The following PACC1 variants were observed in gnomAD, a reference collection of about 807,000 sequenced individuals.
PACC1 encodes the protein proton-activated chloride channel.
PACC1 carries 34 observed loss-of-function variants against 39.7 expected under a neutral mutation model. The observed-to-expected ratio is 0.86, with a 90% CI of 0.65 to 1.14. The LOEUF (loss-of-function observed/expected upper bound fraction) is 1.14. Ranked by LOEUF, PACC1 falls within the 50% of genes most tolerant of loss-of-function variation. The probability of loss-of-function intolerance (pLI) is 0.00; values close to 1 mark genes in which losing one functional copy is unlikely to be tolerated. For synonymous variants in PACC1, 127 were observed against 160.6 expected (o/e 0.79, Z 1.58); for missense variants, 379 against 436.4 (o/e 0.87, Z 1.17).
intron 7 of PACC1, among the ~76,000 whole-genome samples, chr1:212,369,922 AATG>A (rs1660383418): frequency 1.3e-5 from 2 of 152,246 alleles, no homozygotes; most frequent in South Asian, 4.1e-4. Flanking sequence ...ATCATTATGT[AATG>A]ATGAGGGAGT....
intron 2 of PACC1, among the ~76,000 whole-genome samples, chr1:212,402,142 T>G (rs1056387303): frequency 6.6e-6 from 1 of 152,224 alleles, no homozygotes; most frequent in Non-Finnish European, 1.5e-5. Context: ...TAAGTTTTCA[T>G]GTGGACGTAA....
chr1:212,369,952 TACA>T (rs1240066026), intron 7 of PACC1, among the ~76,000 whole-genome samples: 3 of 152,094 alleles, frequency 2.0e-5, no homozygotes, highest in East Asian at 3.9e-4. Flanking sequence ...AACAAGAAGA[TACA>T]ACAACTGTAA....
chr1:212,383,308 G>T (rs2102492593), intron 4 of PACC1, among the ~76,000 whole-genome samples: 1 of 152,308 alleles, frequency 6.6e-6, no homozygotes, highest in South Asian at 2.1e-4. Flanking sequence ...GTTTGGAAAT[G>T]ACCCTCACTG....
chr1:212,411,497 T>C (rs997812080), intron 1 of PACC1, among the ~76,000 whole-genome samples: 1 of 151,834 alleles, frequency 6.6e-6, no homozygotes, highest in African/African-American at 2.4e-5. Context: ...ATGGGGAAAA[T>C]TATACCACTG....
chr1:212,394,227 AG>A (rs1334231365), intron 2 of PACC1, among the ~76,000 whole-genome samples: 1 of 152,202 alleles, frequency 6.6e-6, no homozygotes, highest in African/African-American at 2.4e-5. Flanking sequence ...CACATCAAAA[AG>A]CTTATCCACC....
At chr1:212,407,023 C>T (rs867914905) in intron 2 of PACC1, among the ~76,000 whole-genome samples, 3 of 152,272 alleles carry the variant, frequency 2.0e-5, no homozygotes, top group Middle Eastern at 3.4e-3. Flanking sequence ...CCAAAGATGT[C>T]CAAGTGTTAA....
chr1:212,390,429 G>GA (rs569040186), intron 2 of PACC1, among the ~76,000 whole-genome samples: 7,022 of 73,896 alleles, frequency 0.095, 675 homozygotes, highest in African/African-American at 0.27. Flanking sequence ...ATCTCAAAAA[G>GA]AAAAAAAAAA....
chr1:212,393,649 C>T (rs1661408682), intron 2 of PACC1, among the ~76,000 whole-genome samples: 1 of 152,044 alleles, frequency 6.6e-6, no homozygotes, highest in Non-Finnish European at 1.5e-5. Flanking sequence ...AATCCAGGAG[C>T]TGGTTTTTTG....
intron 6 of PACC1, among the ~76,000 whole-genome samples, chr1:212,376,152 C>T (rs1250833631): frequency 1.3e-5 from 2 of 152,050 alleles, no homozygotes; most frequent in Non-Finnish European, 2.9e-5. Context: ...TGTGGTGTAA[C>T]GGAGAGCAGA....
intron 4 of PACC1, among the ~76,000 whole-genome samples, chr1:212,384,292 A>G (rs1216519974): frequency 6.6e-6 from 1 of 151,402 alleles, no homozygotes; most frequent in African/African-American, 2.4e-5. Context: ...GCGTTCACAT[A>G]CTAACAAAAA....
At chr1:212,382,317 C>G (rs1467815042) in intron 4 of PACC1, among the ~76,000 whole-genome samples, 4 of 151,664 alleles carry the variant, frequency 2.6e-5, no homozygotes, top group Non-Finnish European at 4.4e-5. Context: ...TGCTGGATTA[C>G]AGGCATGAGC....
chr1:212,374,676 T>C (rs1454953017), intron 7 of PACC1, among the ~76,000 whole-genome samples: 1 of 152,250 alleles, frequency 6.6e-6, no homozygotes, highest in East Asian at 1.9e-4. Flanking sequence ...ATGTATATTA[T>C]GTATCAATTT....
At chr1:212,394,196 C>T (rs1297471670) in intron 2 of PACC1, among the ~76,000 whole-genome samples, 2 of 152,232 alleles carry the variant, frequency 1.3e-5, no homozygotes, top group African/African-American at 4.8e-5. Context: ...CAATAAAACA[C>T]TGGCAAACCG....
chr1:212,393,217 A>G (rs1367914859), intron 2 of PACC1, among the ~76,000 whole-genome samples: 1 of 152,214 alleles, frequency 6.6e-6, no homozygotes, highest in Non-Finnish European at 1.5e-5. Flanking sequence ...GAAAAAGAAC[A>G]GAAATTATAA....
At chr1:212,392,207 C>T (rs1470402805) in intron 2 of PACC1, among the ~76,000 whole-genome samples, 2 of 152,300 alleles carry the variant, frequency 1.3e-5, no homozygotes, top group African/African-American at 4.8e-5. Flanking sequence ...GGTCGGGTTA[C>T]CCACAAAGGG....
chr1:212,399,273 CT>C (rs1661629237), intron 2 of PACC1, among the ~76,000 whole-genome samples: 1 of 152,194 alleles, frequency 6.6e-6, no homozygotes, highest in Admixed American at 6.5e-5. Flanking sequence ...TAACTCTACT[CT>C]TTGTACAACA....
chr1:212,410,451 C>CT lies in PACC1; in HGVS notation c.106dup (p.Arg36LysfsTer59), dbSNP rs1454311934. On this transcript the variant is annotated frameshift_variant, in exon 2 of 8. Coordinates refer to ENST00000261455, the MANE Select transcript of PACC1 (RefSeq NM_018252.3). LOFTEE classifies it high-confidence loss of function. ...TGGTAAGATACCCGGACCTTGGACT[C>CT]TGACCGTCTCCTTGTCCTGCTCGTC... 6.2e-7 allele frequency: 1 copy of CT among 1,614,210 alleles called. No individual in the cohort carries two copies. Among genetic ancestry groups the CT allele is most frequent in the Admixed American group, 1.7e-5 (1 of 60,028 alleles).
chr1:212,389,328 G>T lies in PACC1; in HGVS notation c.134-2228C>A, dbSNP rs577207847. 5.9e-5 allele frequency among the ~76,000 whole-genome samples: 9 copies of T among 152,220 alleles called. No homozygotes were observed. The South Asian group carries it at 1.9e-3, about 32-fold the overall frequency. The stretch of plus-strand genomic sequence containing the variant: ...ATCCTTGGCTGGAGAACCCAGGGGG[G>T]GCCAGCAAAAAGTAACAACTGGAAA... On this transcript the variant is annotated intron_variant, in intron 2 of 7. Transcript: ENST00000261455.
chr1:212,379,846 A>G (rs1223179432), intron 5 of PACC1, 49 bp downstream of exon 5: 1 of 1,609,608 alleles, frequency 6.2e-7, no homozygotes, highest in South Asian at 1.1e-5. Context: ...CACAGCTGGA[A>G]TAAGATAAAA....
Sources: allele counts gnomAD v4.1 joint callset (sites outside exome capture counted in the v4.1 genomes callset), GRCh38; gene constraint gnomAD v4.1.1; transcripts MANE v1.5; gene names NCBI Gene and HGNC (gene_info 2026-07-23, HGNC 2026-07-21).